The following LPIN1 variants were observed in gnomAD, a reference collection of about 807,000 sequenced individuals.
The protein encoded by LPIN1 is lipin 1, also known as phosphatidate phosphatase LPIN1.
In LPIN1, 71 loss-of-function variants were observed where a neutral mutation model predicts 107.5. The ratio of observed to expected loss-of-function variants is 0.66; its 90% confidence interval spans 0.55 to 0.80. LPIN1 has a LOEUF of 0.80. LPIN1 is among the 30% of genes least tolerant of loss of function. LPIN1 has a pLI of 0.00. For missense variants in LPIN1, 1,043 were observed against 1,160.6 expected, an observed-to-expected ratio of 0.90 and a Z score of 1.47; for synonymous variants, 445 against 452.6, an observed-to-expected ratio of 0.98 and a Z score of 0.21.
upstream of LPIN1, among the ~76,000 whole-genome samples, chr2:11,720,197 A>G (rs1179311983): frequency 6.6e-6 from 1 of 152,128 alleles, no homozygotes; most frequent in Non-Finnish European, 1.5e-5. Flanking sequence ...TGCCTAGTTC[A>G]TTTATTTTTA....
intron 1 of LPIN1, among the ~76,000 whole-genome samples, chr2:11,679,109 T>C (rs1661576478): frequency 6.6e-6 from 1 of 152,230 alleles, no homozygotes; most frequent in Non-Finnish European, 1.5e-5. Context: ...ACTGACTCTC[T>C]CGCCAGCCTG....
rs1271072434 is a variant in LPIN1, at chr2:11,785,095, G to C, written c.1549+19G>C. ...ACGAAAGGTACCGCGGGCCTCGCGC[G>C]GGCGCCCTCTGGTGGCCGCCGGTCA... On this transcript the variant is annotated intron_variant, in intron 10 of 20. Transcript: ENST00000674199. 2 of 1,530,300 alleles carry C rather than the reference G, an allele frequency of 1.3e-6. No homozygotes were observed. Among genetic ancestry groups the C allele is most frequent in the African/African-American group, 1.4e-5 (1 of 72,944 alleles). 94.8% of individuals were successfully genotyped at this position (1,530,300 alleles called of 1,614,324 possible). A position where few individuals can be genotyped will look rare whatever the true frequency, so the allele number is the denominator to read the frequency against.
chr2:11,734,044 C>T (rs751050394), intron 1 of LPIN1, among the ~76,000 whole-genome samples: 1 of 152,190 alleles, frequency 6.6e-6, no homozygotes, highest in Non-Finnish European at 1.5e-5. Context: ...TCTCCCGTAC[C>T]ACACTTGATG....
chr2:11,752,661 G>C (rs1271854052), intron 1 of LPIN1, among the ~76,000 whole-genome samples: 1 of 151,616 alleles, frequency 6.6e-6, no homozygotes, highest in African/African-American at 2.4e-5. Flanking sequence ...TCGATCTCCT[G>C]ACCTCGTGAT....
intron 4 of LPIN1, among the ~76,000 whole-genome samples, chr2:11,773,263 C>T (rs1290560140): frequency 6.6e-6 from 1 of 152,194 alleles, no homozygotes; most frequent in Non-Finnish European, 1.5e-5. Flanking sequence ...TTATACCGCC[C>T]TGGGGCCGGT....
intron 1 of LPIN1, among the ~76,000 whole-genome samples, chr2:11,732,637 G>A (rs1187278701): frequency 2.0e-5 from 3 of 152,174 alleles, no homozygotes; most frequent in African/African-American, 7.2e-5. Flanking sequence ...TTTGTAAATT[G>A]CTGTCAGGCC....
chr2:11,784,302 TCAA>T, intron 9 of LPIN1: 1 of 158,506 alleles, frequency 6.3e-6, no homozygotes, highest in South Asian at 1.5e-4. Flanking sequence ...AGACTCCATC[TCAA>T]AAAAAAAAAA....
intron 1 of LPIN1, among the ~76,000 whole-genome samples, chr2:11,693,553 G>A (rs1662376857): frequency 6.6e-6 from 1 of 151,842 alleles, no homozygotes; most frequent in Admixed American, 6.6e-5. Flanking sequence ...TGGTCACCTG[G>A]CACAGAGCTT....
Position 11,709,362 on chromosome 2 carries a change from A to G in LPIN1, c.82-4394A>G, listed in dbSNP as rs1342968124. Among the ~76,000 whole-genome samples the G allele has an allele frequency of 3.3e-5, 5 of 152,236 alleles. No homozygotes were observed. In the South Asian group the frequency reaches 1.0e-3, roughly 32 times the overall value. The stretch of plus-strand genomic sequence containing the variant: ...TGTAACTCGAGCCTCCGTTAGATGG[A>G]AAAACTGAGACCCAGAGAAGGGCGG... On this transcript the variant is annotated intron_variant, in intron 1 of 21. Transcript: ENST00000449576.
In LPIN1 at chr2:11,787,130, A is replaced by G; in HGVS notation, c.1606A>G (p.Ile536Val). The stretch of plus-strand genomic sequence containing the variant: ...ACAGTTTGTGGACAACCCCGCTATT[A>G]TCGATGACCCCAATCTCGTGGTAAA... ...YQQFVDNPAIIDDPNLVVKIG... is the reference protein window; with the variant it reads ...YQQFVDNPAIVDDPNLVVKIG... The change falls in exon 11 of 21, where the codon ATC becomes GTC. Residue 536 changes from isoleucine to valine, a missense_variant. By Grantham distance (29) the Ile-to-Val change is conservative. Coordinates refer to ENST00000674199, the MANE Select transcript of LPIN1 (RefSeq NM_001349206.2). The G allele has an allele frequency of 1.2e-6, 2 of 1,614,106 alleles. No individual in the cohort carries two copies. Among genetic ancestry groups the G allele is most frequent in the Admixed American group, 3.3e-5 (2 of 60,014 alleles).
At chr2:11,758,982 AAG>A (rs1669096346) in intron 1 of LPIN1, among the ~76,000 whole-genome samples, 1 of 152,234 alleles carries the variant, frequency 6.6e-6, no homozygotes, top group Non-Finnish European at 1.5e-5. Context: ...GCTAAGAACT[AAG>A]GAGTGGAGCC....
At position 11,771,709 on chromosome 2, in the gene LPIN1, G is replaced by A. The variant is rs1488043263; in HGVS notation, c.596+30G>A. ...TAACTGTCCAGGGTGGAGGGGCTGT[G>A]CCAGAATCAGACAGTTAACTGTTCA... On this transcript the variant is annotated intron_variant, in intron 4 of 20. Transcript: ENST00000674199. The surrounding 1 kb of genome is among the most constrained non-coding windows in gnomAD (Gnocchi z 4.8). The A allele has an allele frequency of 6.4e-7, 1 of 1,551,538 alleles. No individual in the cohort carries two copies. The highest frequency in any genetic ancestry group is 1.4e-5 in the African/African-American group (1 of 73,994).
rs188020516 is a variant in LPIN1, at chr2:11,787,129, T to C, written c.1605T>C (p.Ile535=). ...SYQQFVDNPA[I]IDDPNLVVKI... ...AACAGTTTGTGGACAACCCCGCTAT[T>C]ATCGATGACCCCAATCTCGTGGTAA... The change falls in exon 11 of 21, where the codon ATT becomes ATC. Residue 535 remains isoleucine, a synonymous_variant. Transcript: ENST00000674199. The C allele has an allele frequency of 6.2e-7, 1 of 1,614,114 alleles. No individual in the cohort carries two copies. Among genetic ancestry groups the C allele is most frequent in the East Asian group, 2.2e-5 (1 of 44,886 alleles).
At chr2:11,789,530 A>G (rs1385934769) in intron 12 of LPIN1, among the ~76,000 whole-genome samples, 1 of 141,466 alleles carries the variant, frequency 7.1e-6, no homozygotes, top group African/African-American at 2.6e-5. Flanking sequence ...GGATGTGCAC[A>G]TGTGTGCGTG....
At chr2:11,713,689 C>T in intron 1 of LPIN1, 1 of 938,058 alleles carries the variant, frequency 1.1e-6, no homozygotes, top group Non-Finnish European at 1.6e-6. Flanking sequence ...CAAAGTTATG[C>T]AACCATTACC....
At chr2:11,730,375 C>T (rs1280538137) in intron 1 of LPIN1, among the ~76,000 whole-genome samples, 1 of 152,198 alleles carries the variant, frequency 6.6e-6, no homozygotes, top group African/African-American at 2.4e-5. Context: ...TTTCATCTGA[C>T]CCCATCTACT....
intron 1 of LPIN1, chr2:11,683,167 ACT>A (rs1163285640): frequency 6.6e-6 from 1 of 151,458 alleles, no homozygotes; most frequent in Non-Finnish European, 1.5e-5. Context: ...ACTCCACATA[ACT>A]CTGCAAACTG....
In LPIN1 at chr2:11,681,081, C is replaced by T. The variant is rs116385782; in HGVS notation, c.81+3353C>T. On this transcript the variant is annotated intron_variant, in intron 1 of 21. Transcript: ENST00000449576. ...AGGCTGGACTGCAAATACAATGGTGCCAAGACACTGAATCCCTCTACACTG... is the reference window on the plus strand; with the variant it reads ...AGGCTGGACTGCAAATACAATGGTGTCAAGACACTGAATCCCTCTACACTG... Among the ~76,000 whole-genome samples, 725 of 152,270 alleles carry T rather than the reference C, an allele frequency of 4.8e-3. 2 individuals carry two copies. Among genetic ancestry groups the T allele is most frequent in the African/African-American group, 0.016 (674 of 41,542 alleles).
rs368597999 is a variant in LPIN1 at position 11,697,105 on chromosome 2, G to A, written c.82-16651G>A. Among the ~76,000 whole-genome samples, 11 of 152,352 alleles carry A rather than the reference G, an allele frequency of 7.2e-5. No homozygotes were observed. Among genetic ancestry groups the A allele is most frequent in the South Asian group, 2.1e-4 (1 of 4,832 alleles). Reference sequence around the variant, plus strand: ...AGCTGTATCTGGTGAGAACAGATGCGTAGTCCCGGAGCTCAAGTTCTGGGA... The same window carrying A: ...AGCTGTATCTGGTGAGAACAGATGCATAGTCCCGGAGCTCAAGTTCTGGGA... On this transcript the variant is annotated intron_variant, in intron 1 of 21. Coordinates refer to the LPIN1 transcript ENST00000449576. This position sits in a 1 kb window ranked among gnomAD's most constrained non-coding sequence, Gnocchi z 4.6.
Sources: allele counts gnomAD v4.1 joint callset (sites outside exome capture counted in the v4.1 genomes callset), GRCh38; gene constraint gnomAD v4.1.1; non-coding constraint Gnocchi (gnomAD v3.1); transcripts MANE v1.5; gene names NCBI Gene and HGNC (gene_info 2026-07-23, HGNC 2026-07-21).